TTC39B: variants seen among roughly 807,000 people sequenced by gnomAD.
TTC39B encodes the protein tetratricopeptide repeat domain 39B.
In TTC39B, 92 loss-of-function variants were observed where a neutral mutation model predicts 96.6. The observed-to-expected ratio is 0.95, with a 90% confidence interval of 0.80 to 1.13. TTC39B has a LOEUF of 1.13. Among genes scored for constraint, TTC39B ranks in the 50% most tolerant of loss-of-function variants. The pLI is 0.00. For missense variants in TTC39B, 955 were observed against 809.3 expected (o/e 1.18, Z -2.18); for synonymous variants, 367 against 299.4 (o/e 1.23, Z -2.33).
At chr9:15,287,394 G>A (rs1036008173) in intron 1 of TTC39B, among the ~76,000 whole-genome samples, 1 of 152,180 alleles carries the variant, frequency 6.6e-6, no homozygotes, top group East Asian at 1.9e-4. Flanking sequence ...CAGGTCAGTC[G>A]TAACAGAGTT....
chr9:15,182,384 A>G, exon 17 of TTC39B: 1 of 1,612,052 alleles, frequency 6.2e-7, no homozygotes, highest in Middle Eastern at 1.7e-4. Flanking sequence ...TTTGCTCACT[A>G]TTGAAAAACC....
intron 1 of TTC39B, among the ~76,000 whole-genome samples, chr9:15,275,288 G>T (rs544104276): frequency 6.6e-6 from 1 of 152,116 alleles, no homozygotes; most frequent in Non-Finnish European, 1.5e-5. Context: ...TGATCTGCCC[G>T]CCTCGGCCTC....
rs144931337 is a variant in TTC39B at position 15,302,301 on chromosome 9, G to A, written c.240+4783C>T. Among the ~76,000 whole-genome samples, 1,394 of 148,650 alleles carry A rather than the reference G, an allele frequency of 9.4e-3. 18 individuals carry two copies. Among genetic ancestry groups the A allele is most frequent in the African/African-American group, 0.032 (1,293 of 40,304 alleles). On this transcript the variant is annotated intron_variant, in intron 1 of 19. Transcript: ENST00000512701. ...AGATCATGCCACTGCACTCCAGCTTGGGTGACCAAGCAAGACTCTGTCTTT... is the reference window on the plus strand; with the variant it reads ...AGATCATGCCACTGCACTCCAGCTTAGGTGACCAAGCAAGACTCTGTCTTT...
chr9:15,189,678 G>A (rs1586833017), intron 12 of TTC39B, 45 bp from the exon 13 acceptor site: 1 of 1,613,822 alleles, frequency 6.2e-7, no homozygotes. Context: ...GTCAACACTG[G>A]CTGATTAATT....
At chr9:15,210,137 T>A in exon 6 of TTC39B, 1 of 1,606,562 alleles carries the variant, frequency 6.2e-7, no homozygotes, top group South Asian at 1.1e-5. Context: ...TTGAGAAAGA[T>A]TCTACAACTG....
intron 19 of TTC39B, among the ~76,000 whole-genome samples, chr9:15,173,559 C>G (rs1817770829): frequency 2.0e-5 from 3 of 152,132 alleles, no homozygotes; most frequent in Admixed American, 6.6e-5. Context: ...TTTTGAAACA[C>G]TATTTGGTTG....
chr9:15,224,501 G>T (rs12347380), intron 3 of TTC39B: 3,994 of 152,304 alleles, frequency 0.026, 173 homozygotes, highest in African/African-American at 0.09. Flanking sequence ...TTTTGTTATG[G>T]CTCTCTGGGA....
intron 2 of TTC39B, among the ~76,000 whole-genome samples, chr9:15,252,345 C>G (rs1822592155): frequency 6.6e-6 from 1 of 152,070 alleles, no homozygotes; most frequent in Non-Finnish European, 1.5e-5. Context: ...ACAACATATC[C>G]TTTAAGAAAT....
intron 17 of TTC39B, among the ~76,000 whole-genome samples, chr9:15,180,394 A>G (rs1166930394): frequency 1.3e-5 from 2 of 152,246 alleles, no homozygotes; most frequent in African/African-American, 4.8e-5. Flanking sequence ...CAAATGAAAC[A>G]CTATTGGAAT....
At chr9:15,272,038 T>A (rs1013918432) in intron 1 of TTC39B, among the ~76,000 whole-genome samples, 1 of 152,208 alleles carries the variant, frequency 6.6e-6, no homozygotes, top group Non-Finnish European at 1.5e-5. Context: ...AGACTGCTCA[T>A]GCATCTGTTC....
At chr9:15,261,268 C>T (rs1822935135) in intron 2 of TTC39B, among the ~76,000 whole-genome samples, 1 of 152,018 alleles carries the variant, frequency 6.6e-6, no homozygotes, top group Non-Finnish European at 1.5e-5. Context: ...CACTTGAGTC[C>T]AGGAGTTCAA....
intron 1 of TTC39B, among the ~76,000 whole-genome samples, chr9:15,291,692 C>A (rs1563793388): frequency 6.6e-6 from 1 of 152,090 alleles, no homozygotes; most frequent in Non-Finnish European, 1.5e-5. Context: ...TAAGCCATTA[C>A]CAGTTGAACA....
At chr9:15,247,851 G>GAA (rs57735484) in intron 2 of TTC39B, among the ~76,000 whole-genome samples, 96 of 138,240 alleles carry the variant, frequency 6.9e-4, no homozygotes, top group Non-Finnish European at 2.4e-4. Context: ...GAAGAAAAAG[G>GAA]AAAAAAAAAA....
chr9:15,196,702 C>G (rs1401305992), intron 8 of TTC39B, among the ~76,000 whole-genome samples: 1 of 152,076 alleles, frequency 6.6e-6, no homozygotes, highest in Non-Finnish European at 1.5e-5. Flanking sequence ...GTTGAAATGA[C>G]AACAAAGGAT....
intron 3 of TTC39B, among the ~76,000 whole-genome samples, chr9:15,216,355 A>C (rs1466077995): frequency 6.6e-6 from 1 of 152,186 alleles, no homozygotes; most frequent in Non-Finnish European, 1.5e-5. Context: ...TGCTCTGAGT[A>C]GAAACAGAGA....
At chr9:15,188,217 T>C (rs1818648829) in intron 13 of TTC39B, 85 bp from the exon 14 acceptor site, 2 of 1,378,956 alleles carry the variant, frequency 1.5e-6, no homozygotes, top group Non-Finnish European at 2.0e-6. Context: ...AAACACTTAG[T>C]ACAAAAAGGA....
intron 3 of TTC39B, among the ~76,000 whole-genome samples, chr9:15,218,647 T>TATATATATATATATAA (rs1238241897): frequency 1.3e-5 from 2 of 149,726 alleles, no homozygotes; most frequent in Non-Finnish European, 2.9e-5. Flanking sequence ...TATATATATA[T>TATATATATATATATAA]AATGAACACA....
At chr9:15,179,869 G>A (rs908028217) in intron 17 of TTC39B, among the ~76,000 whole-genome samples, 12 of 152,118 alleles carry the variant, frequency 7.9e-5, no homozygotes, top group Admixed American at 5.9e-4. Context: ...GGCATACGGC[G>A]ACTGGGTTCA....
At chr9:15,251,289 A>C (rs984678867) in intron 2 of TTC39B, among the ~76,000 whole-genome samples, 17 of 151,638 alleles carry the variant, frequency 1.1e-4, no homozygotes, top group African/African-American at 4.1e-4. Flanking sequence ...ACAAAGAAGA[A>C]AATTAAAGAC....
Sources: allele counts gnomAD v4.1 joint callset (sites outside exome capture counted in the v4.1 genomes callset), GRCh38; gene constraint gnomAD v4.1.1; transcripts MANE v1.5; gene names NCBI Gene and HGNC (gene_info 2026-07-23, HGNC 2026-07-21).